Variants in ADAMTS17 observed in about 807,000 individuals in gnomAD.
The protein encoded by ADAMTS17 is ADAM metallopeptidase with thrombospondin type 1 motif 17, also known as A disintegrin and metalloproteinase with thrombospondin motifs 17.
Under a neutral mutation model 141.5 loss-of-function variants are expected in ADAMTS17, and 113 were observed. The observed-to-expected ratio is 0.80, with a 90% confidence interval of 0.69 to 0.93. ADAMTS17 has a LOEUF of 0.93. Ranked by LOEUF, ADAMTS17 falls within the 40% of genes least tolerant of loss-of-function variation. The probability of loss-of-function intolerance (pLI) is 0.00; values close to 1 mark genes in which losing one functional copy is unlikely to be tolerated. For synonymous variants in ADAMTS17, 768 were observed against 630.6 expected, an observed-to-expected ratio of 1.22 and a Z score of -3.27; for missense variants, 1,659 against 1,517.9, an observed-to-expected ratio of 1.09 and a Z score of -1.54.
intron 15 of ADAMTS17, among the ~76,000 whole-genome samples, chr15:100,074,709 T>G (rs1260924042): frequency 6.6e-6 from 1 of 152,168 alleles, no homozygotes; most frequent in African/African-American, 2.4e-5. Context: ...GATTCGGTTT[T>G]GGTATCAGTA....
intron 4 of ADAMTS17, among the ~76,000 whole-genome samples, chr15:100,268,795 G>T (rs7171164): frequency 0.67 from 101,016 of 151,250 alleles, 34,129 homozygotes; most frequent in East Asian, 0.91. Context: ...ACTTCATATA[G>T]AACCAAAAAA....
chr15:100,069,675 A>T (rs112470933), intron 15 of ADAMTS17, among the ~76,000 whole-genome samples: 8 of 151,974 alleles, frequency 5.3e-5, no homozygotes, highest in Non-Finnish European at 5.9e-5. Flanking sequence ...ATAAAATACT[A>T]TACAGACAAG....
intron 7 of ADAMTS17, among the ~76,000 whole-genome samples, chr15:100,201,766 A>G (rs1056174824): frequency 1.3e-5 from 2 of 152,212 alleles, no homozygotes; most frequent in Admixed American, 6.5e-5. Flanking sequence ...ATTAAAAAAA[A>G]CAACACGACA....
intron 6 of ADAMTS17, among the ~76,000 whole-genome samples, chr15:100,260,108 G>A (rs541165708): frequency 3.3e-5 from 5 of 152,184 alleles, no homozygotes; most frequent in African/African-American, 1.2e-4. Context: ...GCCTCCCAAA[G>A]TGCTGGGATT....
intron 7 of ADAMTS17, among the ~76,000 whole-genome samples, chr15:100,202,195 G>A (rs1007485214): frequency 6.6e-6 from 1 of 152,166 alleles, no homozygotes; most frequent in African/African-American, 2.4e-5. Flanking sequence ...CTCAGCACTC[G>A]GAGAAGGCAG....
At chr15:100,323,084 C>CA (rs60468549) in intron 3 of ADAMTS17, among the ~76,000 whole-genome samples, 33,998 of 107,422 alleles carry the variant, frequency 0.32, 5,762 homozygotes, top group East Asian at 0.48. Context: ...GACTCCGTCT[C>CA]AAAAAAAAAA....
intron 8 of ADAMTS17, among the ~76,000 whole-genome samples, chr15:100,197,729 C>T (rs1157549985): frequency 4.6e-5 from 7 of 152,166 alleles, no homozygotes; most frequent in Non-Finnish European, 4.4e-5. Flanking sequence ...TCTGTACCTA[C>T]TCACATCATG....
intron 8 of ADAMTS17, among the ~76,000 whole-genome samples, chr15:100,174,438 G>C (rs1214966855): frequency 6.7e-6 from 1 of 150,324 alleles, no homozygotes; most frequent in East Asian, 1.9e-4. Context: ...CAAGTATCCT[G>C]GGTATTGTAC....
chr15:100,059,900 C>G (rs1207556294), intron 15 of ADAMTS17, among the ~76,000 whole-genome samples: 1 of 152,176 alleles, frequency 6.6e-6, no homozygotes, highest in Non-Finnish European at 1.5e-5. Flanking sequence ...AAATTAAATA[C>G]ATTTTGGGCT....
chr15:100,243,616 A>G (rs890294023), intron 7 of ADAMTS17, among the ~76,000 whole-genome samples: 17 of 152,058 alleles, frequency 1.1e-4, no homozygotes, highest in African/African-American at 4.1e-4. Context: ...ACGGTCAAAC[A>G]CTATCTCTAC....
chr15:100,265,693 G>A (rs561357080), intron 4 of ADAMTS17, among the ~76,000 whole-genome samples: 1 of 152,174 alleles, frequency 6.6e-6, no homozygotes, highest in African/African-American at 2.4e-5. Flanking sequence ...GTGACCCAAG[G>A]CCTCCCCCCA....
chr15:99,974,689 G>C (rs755384317), intron 21 of ADAMTS17, 127 bp from the exon 22 acceptor site: 1 of 1,248,882 alleles, frequency 8.0e-7, no homozygotes, highest in African/African-American at 1.5e-5. Context: ...TCAACCCTTT[G>C]CACTGATTAG....
intron 8 of ADAMTS17, among the ~76,000 whole-genome samples, chr15:100,175,305 C>T (rs2040298769): frequency 6.6e-6 from 1 of 152,208 alleles, no homozygotes; most frequent in South Asian, 2.1e-4. Flanking sequence ...TCTGGAACAG[C>T]AGCTGTCCAA....
At chr15:100,076,952 T>C (rs1169951902) in intron 15 of ADAMTS17, among the ~76,000 whole-genome samples, 2 of 152,150 alleles carry the variant, frequency 1.3e-5, no homozygotes, top group Non-Finnish European at 2.9e-5. Flanking sequence ...CTATGAAGTT[T>C]ATATATCTAC....
intron 20 of ADAMTS17, among the ~76,000 whole-genome samples, chr15:99,987,090 T>C (rs1384560867): frequency 1.3e-5 from 2 of 151,938 alleles, no homozygotes; most frequent in African/African-American, 4.8e-5. Context: ...GTGGCAGGAG[T>C]GCTCAGCCAT....
chr15:100,119,217 C>T (rs745835709), intron 12 of ADAMTS17, among the ~76,000 whole-genome samples: 5 of 152,056 alleles, frequency 3.3e-5, no homozygotes, highest in Non-Finnish European at 7.4e-5. Context: ...CAGGACTGTA[C>T]GACAATAACT....
intron 3 of ADAMTS17, among the ~76,000 whole-genome samples, chr15:100,320,546 G>A (rs1336000274): frequency 6.6e-6 from 1 of 152,158 alleles, no homozygotes; most frequent in Admixed American, 6.5e-5. Flanking sequence ...AAGAATAAGG[G>A]CGGAGGCTGA....
intron 10 of ADAMTS17, among the ~76,000 whole-genome samples, chr15:100,139,851 G>A (rs932952228): frequency 4.6e-5 from 7 of 152,134 alleles, no homozygotes; most frequent in Non-Finnish European, 8.8e-5. Flanking sequence ...ACAACTAAAC[G>A]TGAAATAGGA....
intron 2 of ADAMTS17, among the ~76,000 whole-genome samples, chr15:100,340,498 AG>A (rs1050000832): frequency 3.2e-4 from 49 of 152,216 alleles, no homozygotes. Context: ...CGTTTCAGCT[AG>A]GAAGAGTGGG....
Sources: gnomAD v4.1 joint callset for allele counts (sites outside exome capture counted in the v4.1 genomes callset) on GRCh38, gnomAD v4.1.1 for gene constraint, MANE v1.5 for transcripts, NCBI Gene and HGNC (gene_info 2026-07-23, HGNC 2026-07-21) for gene names.